Variants in DEF6 observed in about 807,000 individuals in gnomAD.
DEF6 encodes the protein DEF6 guanine nucleotide exchange factor.
Under a neutral mutation model 80.5 loss-of-function variants are expected in DEF6, and 32 were observed. That is an observed-to-expected ratio of 0.40 (90% CI 0.30 to 0.53). DEF6 has a LOEUF of 0.53. DEF6 is among the 20% of genes least tolerant of loss of function. The probability of loss-of-function intolerance (pLI) is 0.57; values close to 1 mark genes in which losing one functional copy is unlikely to be tolerated. For missense variants in DEF6, 575 were observed against 818.7 expected (o/e 0.70, Z 3.63); for synonymous variants, 300 against 337.9 (o/e 0.89, Z 1.23).
At chr6:35,308,722 TAAAATAAATAAAATAATAAAATAA>T (rs1791424844) in intron 1 of DEF6, among the ~76,000 whole-genome samples, 1 of 141,978 alleles carries the variant, frequency 7.0e-6, no homozygotes, top group Non-Finnish European at 1.5e-5. Context: ...TAAAATAAAA[TAAAATAAATAAAATAATAAAATAA>T]AATAAAATAA....
intron 1 of DEF6, among the ~76,000 whole-genome samples, chr6:35,305,257 C>A (rs1791373703): frequency 6.6e-6 from 1 of 151,016 alleles, no homozygotes; most frequent in Admixed American, 6.6e-5. Context: ...GCAATTCTCC[C>A]ACCTCAGCCT....
At chr6:35,302,436 G>A (rs10947541) in intron 1 of DEF6, among the ~76,000 whole-genome samples, 3,411 of 152,184 alleles carry the variant, frequency 0.022, 52 homozygotes, top group Non-Finnish European at 0.032. Context: ...CAAACCCTGG[G>A]GATCCTGAAG....
chr6:35,306,372 A>T (rs2150385839), intron 1 of DEF6, among the ~76,000 whole-genome samples: 1 of 151,824 alleles, frequency 6.6e-6, no homozygotes, highest in Admixed American at 6.6e-5. Context: ...TTAGCCAGGC[A>T]TGGTGGCGGG....
chr6:35,306,083 A>T (rs1791385557), intron 1 of DEF6, among the ~76,000 whole-genome samples: 2 of 148,384 alleles, frequency 1.3e-5, no homozygotes, highest in Admixed American at 6.7e-5. Context: ...TAGTAGAGAC[A>T]GGGTTTCAAC....
In DEF6 at chr6:35,312,845, G is replaced by C; in HGVS notation, c.807+73G>C. ...CTCAGGGGCATGAGAAGACAAGGGG[G>C]TCAGGAGAGGGGCAAATGGAGAAAA... On this transcript the variant is annotated intron_variant, in intron 5 of 10. Coordinates refer to ENST00000316637, the MANE Select transcript of DEF6 (RefSeq NM_022047.4). This position sits in a 1 kb window ranked among gnomAD's most constrained non-coding sequence, Gnocchi z 6.6. 1 of 1,497,038 alleles carries C rather than the reference G, an allele frequency of 6.7e-7. No homozygotes were observed. Among genetic ancestry groups the C allele is most frequent in the Non-Finnish European group, 9.1e-7 (1 of 1,101,738 alleles). 92.7% of individuals were successfully genotyped at this position (1,497,038 alleles called of 1,614,324 possible).
chr6:35,314,556 G>A (rs1275091838), intron 5 of DEF6, among the ~76,000 whole-genome samples: 2 of 151,822 alleles, frequency 1.3e-5, no homozygotes, highest in African/African-American at 2.4e-5. Flanking sequence ...TTGACCATTT[G>A]TATGTCTTCT....
In DEF6 at chr6:35,310,565, A is replaced by G; in HGVS notation, c.344A>G (p.Asn115Ser). The G allele has an allele frequency of 6.2e-7, 1 of 1,614,176 alleles. No homozygotes were observed. Among genetic ancestry groups the G allele is most frequent in the South Asian group, 1.1e-5 (1 of 91,078 alleles). ...ADSNGNSMLS[N>S]QDAFRLWCLF... Reference sequence around the variant, plus strand: ...AGCAACGGGAACAGTATGCTCTCCAATCAGGATGCCTTCCGCCTCTGGTGC... The same window carrying G: ...AGCAACGGGAACAGTATGCTCTCCAGTCAGGATGCCTTCCGCCTCTGGTGC... The change falls in exon 3 of 11, where the codon AAT (asparagine) becomes AGT (serine). Residue 115 changes from asparagine to serine, a missense_variant. Transcript: ENST00000316637.
At position 35,310,579 on chromosome 6, in the gene DEF6, C is replaced by A; in HGVS notation, c.358C>A (p.Arg120Ser). Residue 120 changes from arginine to serine, a missense_variant, in exon 3 of 11, where the codon CGC becomes AGC. Coordinates refer to ENST00000316637, the MANE Select transcript of DEF6 (RefSeq NM_022047.4). ...NSMLSNQDAFRLWCLFNFLSE... is the reference protein window; with the variant it reads ...NSMLSNQDAFSLWCLFNFLSE... ...TATGCTCTCCAATCAGGATGCCTTC[C>A]GCCTCTGGTGCCTCTTCAACTTCCT... 1 of 1,614,168 alleles carries A rather than the reference C, an allele frequency of 6.2e-7. No individual in the cohort carries two copies. The highest frequency in any genetic ancestry group is 8.5e-7 in the Non-Finnish European group (1 of 1,180,032).
chr6:35,317,751 G>T, intron 5 of DEF6, 140 bp from the exon 6 acceptor site: 12 of 621,320 alleles, frequency 1.9e-5, no homozygotes, highest in East Asian at 3.0e-5. Context: ...TATGATGCAA[G>T]CCATGCAGGC....
intron 1 of DEF6, among the ~76,000 whole-genome samples, chr6:35,298,652 G>C (rs969456767): frequency 6.6e-6 from 1 of 152,224 alleles, no homozygotes. Context: ...ATCTGGCCTA[G>C]ACAATTTCTG....
chr6:35,310,340 G>A, intron 2 of DEF6, 119 bp from the exon 3 acceptor site: 1 of 1,041,176 alleles, frequency 9.6e-7, no homozygotes, highest in Non-Finnish European at 1.4e-6. Context: ...TTGAGTTAGG[G>A]CCCTGGACTT....
chr6:35,313,473 A>G, intron 5 of DEF6: 1 of 319,366 alleles, frequency 3.1e-6, no homozygotes, highest in South Asian at 2.4e-5. Flanking sequence ...AAACATTCAA[A>G]TTATTCTCTT....
In DEF6 at chr6:35,319,744, C is replaced by G; in HGVS notation, c.1382+54C>G. On this transcript the variant is annotated intron_variant, in intron 8 of 10. Coordinates refer to ENST00000316637, the MANE Select transcript of DEF6 (RefSeq NM_022047.4). This position sits in a 1 kb window ranked among gnomAD's most constrained non-coding sequence, Gnocchi z 4.5. ...CTCACCACCCCTCCTGGAACACACCCCAGTTTTCCTGCTTGCTGTGCACCT... is the reference window on the plus strand; with the variant it reads ...CTCACCACCCCTCCTGGAACACACCGCAGTTTTCCTGCTTGCTGTGCACCT... 1.2e-6 allele frequency: 2 copies of G among 1,610,352 alleles called. No homozygotes were observed. The highest frequency in any genetic ancestry group is 1.7e-4 in the Middle Eastern group (1 of 6,052).
intron 1 of DEF6, among the ~76,000 whole-genome samples, chr6:35,304,198 A>G (rs1791362515): frequency 1.3e-5 from 2 of 152,248 alleles, no homozygotes; most frequent in African/African-American, 2.4e-5. Flanking sequence ...GCGCACGCCT[A>G]CAGTTCCAGC....
At chr6:35,307,392 G>T (rs560581535) in intron 1 of DEF6, among the ~76,000 whole-genome samples, 2 of 152,090 alleles carry the variant, frequency 1.3e-5, no homozygotes, top group Non-Finnish European at 2.9e-5. Flanking sequence ...GATTTGGAAC[G>T]CGTCTCAAAA....
chr6:35,299,008 A>G (rs1398168536), intron 1 of DEF6, among the ~76,000 whole-genome samples: 1 of 152,198 alleles, frequency 6.6e-6, no homozygotes, highest in Non-Finnish European at 1.5e-5. Flanking sequence ...TGAATGGGAC[A>G]GAACAGTTAT....
Position 35,312,740 on chromosome 6 carries a change from A to G in DEF6, c.775A>G (p.Ile259Val), listed in dbSNP as rs1191493360. ...GSEECKEKRG[I>V]IPLDAHCCVE... ...TGAAGAGTGCAAAGAGAAAAGGGGCATTATCCCGCTGGATGCACACTGCTG... is the reference window on the plus strand; with the variant it reads ...TGAAGAGTGCAAAGAGAAAAGGGGCGTTATCCCGCTGGATGCACACTGCTG... Residue 259 changes from isoleucine to valine, a missense_variant, in exon 5 of 11, where the codon ATT becomes GTT. Ile to Val is a conservative substitution (Grantham distance 29). Transcript: ENST00000316637. This position sits in a 1 kb window ranked among gnomAD's most constrained non-coding sequence, Gnocchi z 6.6. 1.9e-6 allele frequency: 3 copies of G among 1,609,988 alleles called. No individual in the cohort carries two copies. In the Admixed American group the frequency reaches 5.0e-5, roughly 27 times the overall value.
In DEF6 at chr6:35,318,562, C is replaced by A; in HGVS notation, c.1215+91C>A. ...CCGGGGGCGGGGCCTGGGCAGAGGGCGGAGCTCCTGGGTTGAGGGGCGTGC... is the reference window on the plus strand; with the variant it reads ...CCGGGGGCGGGGCCTGGGCAGAGGGAGGAGCTCCTGGGTTGAGGGGCGTGC... On this transcript the variant is annotated intron_variant, in intron 7 of 10. Transcript: ENST00000316637. The surrounding 1 kb of genome is among the most constrained non-coding windows in gnomAD (Gnocchi z 5.1). 2 of 1,255,254 alleles carry A rather than the reference C, an allele frequency of 1.6e-6. No homozygotes were observed. The highest frequency in any genetic ancestry group is 2.0e-6 in the Non-Finnish European group (2 of 979,090). 77.8% of individuals were successfully genotyped at this position (1,255,254 alleles called of 1,614,324 possible).
chr6:35,305,029 ATC>A (rs1310023150), intron 1 of DEF6, among the ~76,000 whole-genome samples: 2 of 145,986 alleles, frequency 1.4e-5, no homozygotes, highest in Non-Finnish European at 3.1e-5. Context: ...AGGCAGGAGG[ATC>A]TCTTGAGCCC....
Sources: gnomAD v4.1 joint callset for allele counts (sites outside exome capture counted in the v4.1 genomes callset) on GRCh38, gnomAD v4.1.1 for gene constraint, Gnocchi (gnomAD v3.1) non-coding constraint, MANE v1.5 for transcripts, NCBI Gene and HGNC (gene_info 2026-07-23, HGNC 2026-07-21) for gene names.